FEM1A: variants seen among roughly 807,000 people sequenced by gnomAD.
FEM1A encodes the protein fem-1 homolog A, also known as protein fem-1 homolog A.
Under a neutral mutation model 0.7 loss-of-function variants are expected in FEM1A, and 1 was observed. The ratio of observed to expected loss-of-function variants is 1.35; its 90% CI spans 0.48 to 6.40. FEM1A has a LOEUF of 6.40. Among genes scored for constraint, FEM1A ranks in the 30% most tolerant of loss-of-function variants. The probability of loss-of-function intolerance (pLI) is 0.14; values close to 1 mark genes in which losing one functional copy is unlikely to be tolerated. For missense variants in FEM1A, 721 were observed against 918.7 expected (o/e 0.78, Z 2.78); for synonymous variants, 391 against 420.6 (o/e 0.93, Z 0.86).
Position 4,791,885 on chromosome 19 carries a change from G to T in FEM1A, c.31G>T (p.Ala11Ser). ...CCTCCGCACCGCCGTGTACAACGCC[G>T]CCCGTGATGGCAAGCTGCAGCTGCT... MDLRTAVYNA[A>S]RDGKLQLLQK... The change falls in exon 1 of 1, where the codon GCC (alanine) becomes TCC (serine). Residue 11 changes from alanine (A) to serine (S), a missense_variant. By Grantham distance (99) the Ala-to-Ser change is moderately conservative. This residue lies in a region of FEM1A where 195 missense variants were observed against 316.9 expected (regional missense o/e 0.62). Transcript: ENST00000269856. The T allele has an allele frequency of 1.3e-6, 2 of 1,520,262 alleles. No homozygotes were observed. The highest frequency in any genetic ancestry group is 8.8e-7 in the Non-Finnish European group (1 of 1,140,492). 94.2% of individuals were successfully genotyped at this position (1,520,262 alleles called of 1,614,324 possible).
chr19:4,792,733 C>G lies in FEM1A; in HGVS notation c.879C>G (p.Ser293Arg), dbSNP rs754167454. The G allele has an allele frequency of 6.8e-6, 11 of 1,612,054 alleles. No homozygotes were observed. The highest frequency in any genetic ancestry group is 8.5e-6 in the Non-Finnish European group (10 of 1,179,878). ...CTTACGAAAGCTGCTGTCCCACCAG[C>G]CGGGAAGCTGCCGTGGAAGCCTTGG... Reference protein sequence around the residue: ...GESYESCCPTSREAAVEALEL... With the variant: ...GESYESCCPTRREAAVEALEL... Residue 293 changes from serine to arginine, a missense_variant, in exon 1 of 1, where the codon AGC (serine) becomes AGG (arginine). By Grantham distance (110) the Ser-to-Arg change is moderately radical. Coordinates refer to ENST00000269856, the MANE Select transcript of FEM1A (RefSeq NM_018708.3). The surrounding 1 kb of genome is among the most constrained non-coding windows in gnomAD (Gnocchi z 6.7).
rs1297123867 is a variant in FEM1A at position 4,799,454 on chromosome 19, A to C, written c.*5590A>C. On this transcript the variant is annotated 3_prime_UTR_variant, in exon 1 of 1. Coordinates refer to ENST00000269856, the MANE Select transcript of FEM1A (RefSeq NM_018708.3). ...AAACAAACAAACAAACAAACAAAAA[A>C]CTAAAAACATCAAGATACGCTCTGA... The C allele has an allele frequency of 6.3e-6, 1 of 158,372 alleles. No individual in the cohort carries two copies. The highest frequency in any genetic ancestry group is 1.4e-5 in the Non-Finnish European group (1 of 73,060). 9.8% of individuals were successfully genotyped at this position (158,372 alleles called of 1,614,324 possible).
Position 4,794,153 on chromosome 19 carries a change from G to A in FEM1A, c.*289G>A, listed in dbSNP as rs2093558300. On this transcript the variant is annotated 3_prime_UTR_variant, in exon 1 of 1. Transcript: ENST00000269856. ...CCTTCCCCACATCCTGTCTGCCTGG[G>A]TTAGGGAGGCCTTTGCCTTGTTACC... The A allele has an allele frequency of 9.8e-6, 4 of 409,232 alleles. No individual in the cohort carries two copies. The highest frequency in any genetic ancestry group is 9.0e-5 in the South Asian group (3 of 33,464). 25.4% of individuals were successfully genotyped at this position (409,232 alleles called of 1,614,324 possible).
chr19:4,800,027 C>G lies in FEM1A; in HGVS notation c.*6163C>G, dbSNP rs896747385. ...TCAGTGAAGAAAAAAGCTCAGAGAG[C>G]TCAAGTGGAGTACCTAAGGCCACAC... On this transcript the variant is annotated 3_prime_UTR_variant, in exon 1 of 1. Coordinates refer to ENST00000269856, the MANE Select transcript of FEM1A (RefSeq NM_018708.3). 2.0e-5 allele frequency: 3 copies of G among 150,964 alleles called. No homozygotes were observed. Among genetic ancestry groups the G allele is most frequent in the Non-Finnish European group, 4.4e-5 (3 of 67,960 alleles). 9.4% of individuals were successfully genotyped at this position (150,964 alleles called of 1,614,324 possible). A position where few individuals can be genotyped will look rare whatever the true frequency, so the allele number is the denominator to read the frequency against.
In FEM1A at chr19:4,797,763, G is replaced by C. The variant is rs1191975419; in HGVS notation, c.*3899G>C. The C allele has an allele frequency of 1.9e-5, 2 of 103,788 alleles. No individual in the cohort carries two copies. The highest frequency in any genetic ancestry group is 3.8e-5 in the Non-Finnish European group (2 of 53,224). 6.4% of individuals were successfully genotyped at this position (103,788 alleles called of 1,614,324 possible). ...ATCATGGGCAGCAAAGTGAGATCCT[G>C]TCTCTACAAAAAAAAAAAAAAAAAA... is the stretch of plus-strand genomic sequence containing the variant. On this transcript the variant is annotated 3_prime_UTR_variant, in exon 1 of 1. Transcript: ENST00000269856.
chr19:4,793,288 C>T lies in FEM1A; in HGVS notation c.1434C>T (p.Ala478=). 1.2e-6 allele frequency: 2 copies of T among 1,613,146 alleles called. No individual in the cohort carries two copies. Among genetic ancestry groups the T allele is most frequent in the Non-Finnish European group, 1.7e-6 (2 of 1,179,926 alleles). Residue 478 remains alanine, a synonymous_variant, in exon 1 of 1, where the codon GCC becomes GCT. Transcript: ENST00000269856. This position sits in a 1 kb window ranked among gnomAD's most constrained non-coding sequence, Gnocchi z 5.1. Reference sequence around the variant, plus strand: ...AAGGGGTCCGGGAAGTGGAACGGGCCCTGCAGCTGCCCAGGGAGCCCGGAG... The same window carrying T: ...AAGGGGTCCGGGAAGTGGAACGGGCTCTGCAGCTGCCCAGGGAGCCCGGAG... ...LTKGVREVER[A]LQLPREPGDS...
At position 4,793,981 on chromosome 19, in the gene FEM1A, G is replaced by A; in HGVS notation, c.*117G>A. On this transcript the variant is annotated 3_prime_UTR_variant, in exon 1 of 1. Coordinates refer to ENST00000269856, the MANE Select transcript of FEM1A (RefSeq NM_018708.3). This position sits in a 1 kb window ranked among gnomAD's most constrained non-coding sequence, Gnocchi z 5.1. Reference sequence around the variant, plus strand: ...CCTTCAGGCACCAATCAGGAGAAGGGTTCTGCCTCCCATCCCCTCTACCTG... The same window carrying A: ...CCTTCAGGCACCAATCAGGAGAAGGATTCTGCCTCCCATCCCCTCTACCTG... 9.4e-7 allele frequency: 1 copy of A among 1,065,538 alleles called. No homozygotes were observed. The highest frequency in any genetic ancestry group is 2.6e-5 in the East Asian group (1 of 38,466). 66.0% of individuals were successfully genotyped at this position (1,065,538 alleles called of 1,614,324 possible).
chr19:4,795,782 C>G lies in FEM1A; in HGVS notation c.*1918C>G, dbSNP rs1212218567. The G allele has an allele frequency of 6.6e-6, 1 of 151,750 alleles. No individual in the cohort carries two copies. Among genetic ancestry groups the G allele is most frequent in the Non-Finnish European group, 1.5e-5 (1 of 68,100 alleles). 9.4% of individuals were successfully genotyped at this position (151,750 alleles called of 1,614,324 possible). ...TGGCGCGATCTCAGCTCACTGCAAC[C>G]TCTGCCTCCTGGGTTCAAACAATTC... is the stretch of plus-strand genomic sequence containing the variant. On this transcript the variant is annotated 3_prime_UTR_variant, in exon 1 of 1. Transcript: ENST00000269856.
Position 4,793,943 on chromosome 19 carries a change from C to A in FEM1A, c.*79C>A. ...AAATCCGGCTGCGGCATAGCAGATGCTCGTTCTTGCCTCCTTCAGGCACCA... is the reference window on the plus strand; with the variant it reads ...AAATCCGGCTGCGGCATAGCAGATGATCGTTCTTGCCTCCTTCAGGCACCA... On this transcript the variant is annotated 3_prime_UTR_variant, in exon 1 of 1. Coordinates refer to ENST00000269856, the MANE Select transcript of FEM1A (RefSeq NM_018708.3). The surrounding 1 kb of genome is among the most constrained non-coding windows in gnomAD (Gnocchi z 5.1). 3 of 1,398,402 alleles carry A rather than the reference C, an allele frequency of 2.1e-6. No homozygotes were observed. Among genetic ancestry groups the A allele is most frequent in the South Asian group, 1.4e-5 (1 of 73,932 alleles). The allele number at this position is 1,398,402 out of a possible 1,614,324, so 86.6% of individuals were successfully genotyped here. A position where few individuals can be genotyped will look rare whatever the true frequency, so the allele number is the denominator to read the frequency against.
Position 4,793,186 on chromosome 19 carries a change from C to T in FEM1A, c.1332C>T (p.Tyr444=), listed in dbSNP as rs201375191. Residue 444 remains tyrosine, a synonymous_variant, in exon 1 of 1, where the codon TAC becomes TAT. Coordinates refer to ENST00000269856, the MANE Select transcript of FEM1A (RefSeq NM_018708.3). The surrounding 1 kb of genome is among the most constrained non-coding windows in gnomAD (Gnocchi z 5.1). ...SFLSFAELFS[Y]VLQDRAAKGS... ...TCTCCTTCGCGGAACTCTTCTCCTA[C>T]GTGCTTCAGGACCGGGCCGCCAAAG... 739 of 1,613,548 alleles carry T rather than the reference C, an allele frequency of 4.6e-4. No homozygotes were observed. In the Middle Eastern group the frequency reaches 9.1e-3, roughly 20 times the overall value.
Position 4,792,900 on chromosome 19 carries a change from A to T in FEM1A, c.1046A>T (p.Asp349Val). The change falls in exon 1 of 1, where the codon GAC (aspartate) becomes GTC (valine). Residue 349 changes from aspartate to valine, a missense_variant. Transcript: ENST00000269856. The surrounding 1 kb of genome is among the most constrained non-coding windows in gnomAD (Gnocchi z 6.7). ...PEPPQLVLAY[D>V]YSREVNTTEE... Reference sequence around the variant, plus strand: ...CCCCCACAGCTGGTCCTGGCCTATGACTATTCCAGGGAGGTCAACACCACC... The same window carrying T: ...CCCCCACAGCTGGTCCTGGCCTATGTCTATTCCAGGGAGGTCAACACCACC... 6.2e-7 allele frequency: 1 copy of T among 1,612,370 alleles called. No individual in the cohort carries two copies. The highest frequency in any genetic ancestry group is 8.5e-7 in the Non-Finnish European group (1 of 1,179,960).
rs764762462 is a variant in FEM1A at position 4,792,436 on chromosome 19, C to A, written c.582C>A (p.Gly194=). 2 of 1,596,130 alleles carry A rather than the reference C, an allele frequency of 1.3e-6. No individual in the cohort carries two copies. The highest frequency in any genetic ancestry group is 1.7e-6 in the Non-Finnish European group (2 of 1,179,516). ...NTALHDCAES[G]SLEILQLLLG... Reference sequence around the variant, plus strand: ...CCCTGCATGACTGCGCCGAGTCCGGCAGCCTGGAGATCCTGCAGCTGCTGC... The same window carrying A: ...CCCTGCATGACTGCGCCGAGTCCGGAAGCCTGGAGATCCTGCAGCTGCTGC... Residue 194 remains glycine (G), a synonymous_variant, in exon 1 of 1, where the codon GGC becomes GGA. Transcript: ENST00000269856. The surrounding 1 kb of genome is among the most constrained non-coding windows in gnomAD (Gnocchi z 6.7).
rs1218620902 is a variant in FEM1A at position 4,792,925 on chromosome 19, C to T, written c.1071C>T (p.Thr357=). 1 of 1,612,336 alleles carries T rather than the reference C, an allele frequency of 6.2e-7. No homozygotes were observed. The highest frequency in any genetic ancestry group is 1.7e-5 in the Admixed American group (1 of 60,002). The part of the protein sequence containing the change: ...AYDYSREVNT[T]EELEALITDP... The stretch of plus-strand genomic sequence containing the variant: ...ACTATTCCAGGGAGGTCAACACCAC[C>T]GAGGAGCTGGAGGCGCTGATCACCG... Residue 357 remains threonine (T), a synonymous_variant, in exon 1 of 1, where the codon ACC becomes ACT. Transcript: ENST00000269856. This position sits in a 1 kb window ranked among gnomAD's most constrained non-coding sequence, Gnocchi z 6.7.
In FEM1A at chr19:4,800,712, T is replaced by C. The variant is rs60505919; in HGVS notation, c.*6848T>C. The C allele has an allele frequency of 0.081, 12,365 of 152,346 alleles. 597 individuals carry two copies. The highest frequency in any genetic ancestry group is 0.13 in the African/African-American group (5,360 of 41,494). 9.4% of individuals were successfully genotyped at this position (152,346 alleles called of 1,614,324 possible). A position where few individuals can be genotyped will look rare whatever the true frequency, so the allele number is the denominator to read the frequency against. ...CCCTATGGCTTTGCCAGACCCCGGG[T>C]GCCGCCGCCCCCATGGAATTGCAGG... On this transcript the variant is annotated 3_prime_UTR_variant, in exon 1 of 1. Coordinates refer to ENST00000269856, the MANE Select transcript of FEM1A (RefSeq NM_018708.3).
Position 4,796,020 on chromosome 19 carries a change from T to C in FEM1A, c.*2156T>C, listed in dbSNP as rs894910387. ...CTCTATGTTACATACTGGGGCTTTG[T>C]GTAAAATTTCATTTGAAAAACAGTA... On this transcript the variant is annotated 3_prime_UTR_variant, in exon 1 of 1. Transcript: ENST00000269856. The C allele has an allele frequency of 3.3e-5, 5 of 151,962 alleles. No individual in the cohort carries two copies. The highest frequency in any genetic ancestry group is 1.2e-4 in the African/African-American group (5 of 41,366). 9.4% of individuals were successfully genotyped at this position (151,962 alleles called of 1,614,324 possible). A position where few individuals can be genotyped will look rare whatever the true frequency, so the allele number is the denominator to read the frequency against.
At position 4,801,011 on chromosome 19, in the gene FEM1A, G is replaced by A. The variant is rs951473829; in HGVS notation, c.*7147G>A. 6.6e-6 allele frequency: 1 copy of A among 152,184 alleles called. No homozygotes were observed. Among genetic ancestry groups the A allele is most frequent in the African/African-American group, 2.4e-5 (1 of 41,442 alleles). The allele number at this position is 152,184 out of a possible 1,614,324, so 9.4% of individuals were successfully genotyped here. A position where few individuals can be genotyped will look rare whatever the true frequency, so the allele number is the denominator to read the frequency against. On this transcript the variant is annotated 3_prime_UTR_variant, in exon 1 of 1. Coordinates refer to ENST00000269856, the MANE Select transcript of FEM1A (RefSeq NM_018708.3). ...GCACCGCCCCTGTGCTGGGCCAGGA[G>A]AATGTGCCCGCACCGGTCCCAGATC...
In FEM1A at chr19:4,800,775, C is replaced by T. The variant is rs1329827706; in HGVS notation, c.*6911C>T. Reference sequence around the variant, plus strand: ...GCAACGTCGACGGGGGAGAACACCCCTGCCCGAGGTTAAAGATAGCACCGC... The same window carrying T: ...GCAACGTCGACGGGGGAGAACACCCTTGCCCGAGGTTAAAGATAGCACCGC... On this transcript the variant is annotated 3_prime_UTR_variant, in exon 1 of 1. Coordinates refer to ENST00000269856, the MANE Select transcript of FEM1A (RefSeq NM_018708.3). The T allele has an allele frequency of 2.0e-5, 3 of 152,218 alleles. No individual in the cohort carries two copies. The highest frequency in any genetic ancestry group is 4.4e-5 in the Non-Finnish European group (3 of 68,082). The allele number at this position is 152,218 out of a possible 1,614,324, so 9.4% of individuals were successfully genotyped here. A position where few individuals can be genotyped will look rare whatever the true frequency, so the allele number is the denominator to read the frequency against.
Position 4,793,310 on chromosome 19 carries a change from G to A in FEM1A, c.1456G>A (p.Gly486Arg), listed in dbSNP as rs138347035. The A allele has an allele frequency of 2.9e-5, 46 of 1,612,726 alleles. No homozygotes were observed. Among genetic ancestry groups the A allele is most frequent in the Non-Finnish European group, 3.7e-5 (44 of 1,179,862 alleles). ...ERALQLPREP[G>R]DSAQFTKALA... is the part of the protein sequence containing the mutation. ...GGCCCTGCAGCTGCCCAGGGAGCCC[G>A]GAGACTCAGCCCAGTTCACCAAGGC... Residue 486 changes from glycine to arginine, a missense_variant, in exon 1 of 1, where the codon GGA (glycine) becomes AGA (arginine). Around this residue, in one of 4 missense-constraint regions of FEM1A, gnomAD observed 379 missense variants for 454.8 expected, o/e 0.83. Coordinates refer to ENST00000269856, the MANE Select transcript of FEM1A (RefSeq NM_018708.3). This position sits in a 1 kb window ranked among gnomAD's most constrained non-coding sequence, Gnocchi z 5.1.
At position 4,791,939 on chromosome 19, in the gene FEM1A, G is replaced by C. The variant is rs2093554805; in HGVS notation, c.85G>C (p.Glu29Gln). The C allele has an allele frequency of 6.5e-7, 1 of 1,530,160 alleles. No homozygotes were observed. The highest frequency in any genetic ancestry group is 8.7e-7 in the Non-Finnish European group (1 of 1,145,648). The allele number at this position is 1,530,160 out of a possible 1,614,324, so 94.8% of individuals were successfully genotyped here. ...LQKLLSGRSR[E>Q]ELDELTGEVA... ...GAAGCTGCTCAGCGGCCGGAGCCGG[G>C]AGGAACTGGACGAGCTGACGGGCGA... The change falls in exon 1 of 1, where the codon GAG becomes CAG. Residue 29 changes from glutamate to glutamine, a missense_variant. By Grantham distance (29) the Glu-to-Gln change is conservative. Transcript: ENST00000269856.
Sources: allele counts gnomAD v4.1 joint callset, GRCh38; gene constraint gnomAD v4.1.1; regional missense constraint gnomAD v4.1.1; non-coding constraint Gnocchi (gnomAD v3.1); transcripts MANE v1.5; gene names NCBI Gene and HGNC (gene_info 2026-07-23, HGNC 2026-07-21).